The following COL22A1 variants were observed in gnomAD, a reference collection of about 807,000 sequenced individuals.
The protein encoded by COL22A1 is collagen type XXII alpha 1 chain.
In COL22A1, 221 loss-of-function variants were observed where a neutral mutation model predicts 248.9. The observed-to-expected ratio is 0.89, with a 90% CI of 0.80 to 0.99. The LOEUF (loss-of-function observed/expected upper bound fraction) is 0.99, where lower values mean the gene tolerates loss of function less well. COL22A1 is among the 50% of genes least tolerant of loss of function. The pLI is 0.00. For synonymous variants in COL22A1, 891 were observed against 793.4 expected (o/e 1.12, Z -2.07); for missense variants, 2,240 against 2,179.0 (o/e 1.03, Z -0.56).
chr8:138,784,840 T>C (rs969511829), intron 12 of COL22A1, among the ~76,000 whole-genome samples: 3 of 152,206 alleles, frequency 2.0e-5, no homozygotes, highest in Non-Finnish European at 4.4e-5. Context: ...TCTAATCAGC[T>C]GATTAGATTA....
At chr8:138,895,357 A>C (rs1825330197) in intron 1 of COL22A1, among the ~76,000 whole-genome samples, 1 of 152,228 alleles carries the variant, frequency 6.6e-6, no homozygotes, top group Non-Finnish European at 1.5e-5. Flanking sequence ...AAATTTTGTC[A>C]CAAATATTTT....
chr8:138,715,786 T>TTCC (rs1202995953), intron 29 of COL22A1, 51 bp from the exon 30 acceptor site: 1 of 1,295,372 alleles, frequency 7.7e-7, no homozygotes, highest in Non-Finnish European at 1.1e-6. Context: ...CCGAGCTGAA[T>TTCC]TCCTGCCTCT....
intron 10 of COL22A1, among the ~76,000 whole-genome samples, chr8:138,805,188 G>A (rs1380712854): frequency 6.9e-6 from 1 of 145,286 alleles, no homozygotes; most frequent in Non-Finnish European, 1.5e-5. Context: ...TGGTGTGTGT[G>A]TGTGATTGGG....
chr8:138,710,415 T>C (rs926744624), intron 30 of COL22A1, among the ~76,000 whole-genome samples: 1 of 152,204 alleles, frequency 6.6e-6, no homozygotes, highest in Non-Finnish European at 1.5e-5. Flanking sequence ...AATGTTTGAA[T>C]ATAGTTGGCT....
chr8:138,893,159 T>G (rs1825181664), intron 1 of COL22A1, among the ~76,000 whole-genome samples: 1 of 152,200 alleles, frequency 6.6e-6, no homozygotes, highest in African/African-American at 2.4e-5. Context: ...GAAATTCAAC[T>G]CTGTGGAGCT....
rs141313886 is a variant in COL22A1 at position 138,722,072 on chromosome 8, G to C, written c.2265C>G (p.Asp755Glu). 2 of 1,583,286 alleles carry C rather than the reference G, an allele frequency of 1.3e-6. No individual in the cohort carries two copies. Among genetic ancestry groups the C allele is most frequent in the African/African-American group, 2.7e-5 (2 of 74,438 alleles). The change falls in exon 26 of 65, where the codon GAC becomes GAG. Residue 755 changes from aspartate to glutamate, a missense_variant. By Grantham distance (45) the Asp-to-Glu change is conservative. Transcript: ENST00000303045. ...GCGGACCTGGTGGTCCATTTGGCCC[G>C]TCCTTTCCAGGGGGTCCCTGGGCCA... ...PPGPTGPPGK[D>E]GPNGPPGPPG...
At chr8:138,770,321 G>C (rs964934793) in intron 16 of COL22A1, among the ~76,000 whole-genome samples, 4 of 152,114 alleles carry the variant, frequency 2.6e-5, no homozygotes, top group African/African-American at 9.7e-5. Context: ...TCTGTGCCTG[G>C]CTGGATTCAC....
At chr8:138,867,569 C>A (rs1822993892) in intron 3 of COL22A1, among the ~76,000 whole-genome samples, 1 of 152,130 alleles carries the variant, frequency 6.6e-6, no homozygotes, top group African/African-American at 2.4e-5. Flanking sequence ...TGGCTGAGAT[C>A]CCTGGCTGGC....
At chr8:138,773,065 A>T (rs1245863403) in intron 16 of COL22A1, among the ~76,000 whole-genome samples, 1 of 152,228 alleles carries the variant, frequency 6.6e-6, no homozygotes, top group Non-Finnish European at 1.5e-5. Flanking sequence ...TTTAAAAAAC[A>T]AACAAAGCAA....
intron 61 of COL22A1, among the ~76,000 whole-genome samples, chr8:138,597,700 C>T (rs1289430054): frequency 6.6e-6 from 1 of 152,206 alleles, no homozygotes; most frequent in Non-Finnish European, 1.5e-5. Context: ...CTCTGTAGCC[C>T]CATACCTGGC....
intron 5 of COL22A1, among the ~76,000 whole-genome samples, chr8:138,832,477 A>G (rs1046803730): frequency 1.3e-5 from 2 of 152,182 alleles, no homozygotes; most frequent in Non-Finnish European, 2.9e-5. Context: ...TGGAGGCCCA[A>G]TAAGTGTCAG....
At chr8:138,603,706 A>G (rs1303935808) in intron 59 of COL22A1, among the ~76,000 whole-genome samples, 1 of 152,170 alleles carries the variant, frequency 6.6e-6, no homozygotes, top group African/African-American at 2.4e-5. Flanking sequence ...AATGAATGAT[A>G]CACTCAGTGA....
At chr8:138,597,316 C>T (rs1270069114) in intron 61 of COL22A1, among the ~76,000 whole-genome samples, 2 of 152,172 alleles carry the variant, frequency 1.3e-5, no homozygotes, top group Non-Finnish European at 2.9e-5. Flanking sequence ...CCTGGGAGAT[C>T]TGGCCCCTAA....
At chr8:138,895,992 G>A (rs764442614) in intron 1 of COL22A1, among the ~76,000 whole-genome samples, 1 of 152,138 alleles carries the variant, frequency 6.6e-6, no homozygotes, top group African/African-American at 2.4e-5. Context: ...AGGGGGAAAT[G>A]GCACAACATT....
chr8:138,715,726 CT>C lies in COL22A1; in HGVS notation c.2472del (p.Gly825ValfsTer8). 9 of 1,609,690 alleles carry C rather than the reference CT, an allele frequency of 5.6e-6. No individual in the cohort carries two copies. Among genetic ancestry groups the C allele is most frequent in the South Asian group, 2.2e-5 (2 of 90,590 alleles). Reference sequence around the variant, plus strand: ...TTCAGTCCTGGAAGTCCCAGTTCACCTTTTTCTCCCTATAATAAAAGATAAA... The same window carrying C: ...TTCAGTCCTGGAAGTCCCAGTTCACCTTTTCTCCCTATAATAAAAGATAAA... ...VRGEKGDQGE[K>X]GELGLPGLKG... On this transcript the variant is annotated frameshift_variant, in exon 30 of 65. Coordinates refer to ENST00000303045, the MANE Select transcript of COL22A1 (RefSeq NM_152888.3). LOFTEE classifies it high-confidence loss of function.
chr8:138,791,451 A>C (rs1816028076), intron 12 of COL22A1, among the ~76,000 whole-genome samples: 1 of 152,206 alleles, frequency 6.6e-6, no homozygotes, highest in Admixed American at 6.5e-5. Context: ...TGCCAACTTA[A>C]GGTCAATTGC....
At position 138,594,177 on chromosome 8, in the gene COL22A1, G is replaced by A; in HGVS notation, c.4455C>T (p.Ala1485=). Residue 1485 remains alanine (A), a synonymous_variant, in exon 63 of 65, where the codon GCC becomes GCT. Coordinates refer to ENST00000303045, the MANE Select transcript of COL22A1 (RefSeq NM_152888.3). ...QLETRLAYLL[A]QMPPAYMKSS... is the part of the protein sequence containing the mutation. The stretch of plus-strand genomic sequence containing the variant: ...ACTTCATGTACGCCGGGGGCATCTG[G>A]GCCAGGAGGTAGGCGAGTCTGGCTG... 8.3e-6 allele frequency: 13 copies of A among 1,571,242 alleles called. No homozygotes were observed. Among genetic ancestry groups the A allele is most frequent in the Non-Finnish European group, 1.1e-5 (13 of 1,164,838 alleles).
intron 3 of COL22A1, among the ~76,000 whole-genome samples, chr8:138,872,252 G>A (rs1823398150): frequency 6.6e-6 from 1 of 152,174 alleles, no homozygotes; most frequent in African/African-American, 2.4e-5. Flanking sequence ...TGAGAATAGA[G>A]CTAACTATGA....
chr8:138,792,541 A>G (rs1816155582), intron 12 of COL22A1, among the ~76,000 whole-genome samples: 1 of 152,236 alleles, frequency 6.6e-6, no homozygotes, highest in African/African-American at 2.4e-5. Context: ...AGAAAAGAGC[A>G]TCTGTCCTTG....
Sources: allele counts gnomAD v4.1 joint callset (sites outside exome capture counted in the v4.1 genomes callset), GRCh38; gene constraint gnomAD v4.1.1; transcripts MANE v1.5; gene names NCBI Gene and HGNC (gene_info 2026-07-23, HGNC 2026-07-21).